Variants in NEDD1 observed in about 807,000 individuals in gnomAD.
NEDD1 encodes protein NEDD1.
A neutral mutation model predicts 74.0 loss-of-function variants in NEDD1; 33 were observed. The observed-to-expected ratio is 0.45, with a 90% CI of 0.34 to 0.60. The LOEUF is 0.60. Ranked by LOEUF, NEDD1 falls within the 20% of genes least tolerant of loss-of-function variation. The pLI is 0.01. For synonymous variants in NEDD1, 250 were observed against 264.4 expected, an observed-to-expected ratio of 0.95 and a Z score of 0.53; for missense variants, 746 against 776.5, an observed-to-expected ratio of 0.96 and a Z score of 0.47.
rs148023951 is a variant in NEDD1, at chr12:96,943,575, C to T, written c.1310C>T (p.Pro437Leu). 4.6e-4 allele frequency: 739 copies of T among 1,612,416 alleles called. 1 individual carries two copies. The highest frequency in any genetic ancestry group is 6.0e-4 in the Admixed American group (36 of 59,958). The part of the protein sequence containing the change: ...IGKGDGFDFL[P>L]QLNSVFPPRK... ...CCTTTTCCAGGCTTTGACTTTCTAC[C>T]GCAGTTGAACTCAGTGTTTCCTCCA... The change falls in exon 12 of 16, where the codon CCG (proline) becomes CTG (leucine). Residue 437 changes from proline to leucine, a missense_variant. Around this residue, in one of 3 missense-constraint regions of NEDD1, gnomAD observed 706 missense variants for 706.7 expected, o/e 1.00. Coordinates refer to ENST00000266742, the MANE Select transcript of NEDD1 (RefSeq NM_152905.4).
At chr12:96,934,173 C>A (rs1159796712) in intron 6 of NEDD1, among the ~76,000 whole-genome samples, 4 of 151,136 alleles carry the variant, frequency 2.6e-5, no homozygotes, top group Non-Finnish European at 4.4e-5. Context: ...ATCAAAATAT[C>A]TAAAATATAG....
chr12:96,930,849 C>T (rs555969026), intron 6 of NEDD1, among the ~76,000 whole-genome samples: 1 of 152,264 alleles, frequency 6.6e-6, no homozygotes, highest in South Asian at 2.1e-4. Flanking sequence ...CACACGTACA[C>T]ATGCACTCAC....
At position 96,928,483 on chromosome 12, in the gene NEDD1, C is replaced by T. The variant is rs539494255; in HGVS notation, c.490-6493C>T. ...GCAGGCTTACATTTCCTTTAAGGAG[C>T]TTAAGTGTTACCCTATTATCTTTGG... On this transcript the variant is annotated intron_variant, in intron 6 of 15. Coordinates refer to ENST00000266742, the MANE Select transcript of NEDD1 (RefSeq NM_152905.4). Among the ~76,000 whole-genome samples the T allele has an allele frequency of 1.6e-4, 25 of 152,106 alleles. 2 individuals are homozygous for T. Among genetic ancestry groups the T allele is most frequent in the Admixed American group, 8.5e-4 (13 of 15,270 alleles).
chr12:96,923,875 G>C (rs1565793301), intron 6 of NEDD1, among the ~76,000 whole-genome samples: 1 of 149,242 alleles, frequency 6.7e-6, no homozygotes, highest in Non-Finnish European at 1.5e-5. Flanking sequence ...TTAGTGAACA[G>C]AAGTTCTTAA....
intron 7 of NEDD1, among the ~76,000 whole-genome samples, chr12:96,936,200 A>G (rs1308749245): frequency 6.6e-6 from 1 of 152,226 alleles, no homozygotes; most frequent in African/African-American, 2.4e-5. Context: ...GTGAAAGGTC[A>G]TAGTCCTCAT....
intron 9 of NEDD1, 44 bp from the exon 10 acceptor site, chr12:96,940,365 A>G: frequency 1.6e-6 from 2 of 1,235,882 alleles, no homozygotes; most frequent in Non-Finnish European, 1.1e-6. Context: ...GATAAAATTT[A>G]TTTAGATGTA....
Position 96,917,733 on chromosome 12 carries a change from T to C in NEDD1, c.344T>C (p.Leu115Pro), listed in dbSNP as rs754307653. ...DLKSKRVHRS[L>P]KDHKDQVTCV... ...AAATCAAAAAGAGTTCATCGATCTC[T>C]TAAGGTAAGCAATTTAAAAAAAATC... The change falls in exon 5 of 16, where the codon CTT (leucine) becomes CCT (proline). Residue 115 changes from leucine to proline, a missense_variant. Physicochemically the swap from Leu to Pro is moderately conservative, Grantham distance 98. Coordinates refer to ENST00000266742, the MANE Select transcript of NEDD1 (RefSeq NM_152905.4). 6.4e-7 allele frequency: 1 copy of C among 1,550,964 alleles called. No homozygotes were observed. Among genetic ancestry groups the C allele is most frequent in the South Asian group, 1.3e-5 (1 of 77,476 alleles).
chr12:96,941,639 C>A (rs956282134), intron 10 of NEDD1, among the ~76,000 whole-genome samples: 2 of 152,086 alleles, frequency 1.3e-5, no homozygotes, highest in Admixed American at 6.6e-5. Flanking sequence ...CAGTGAGACT[C>A]CTCTGGAGGA....
rs1480305375 is a variant in NEDD1 at position 96,907,748 on chromosome 12, C to A, written c.-117C>A. On this transcript the variant is annotated 5_prime_UTR_variant, in exon 2 of 16. Coordinates refer to ENST00000266742, the MANE Select transcript of NEDD1 (RefSeq NM_152905.4). ...GTTCCTGTAGCCGCTGTCCCTAAAC[C>A]CAGGCCGACGTTACCGCCTTGTGTC... 1.3e-6 allele frequency: 2 copies of A among 1,541,724 alleles called. No individual in the cohort carries two copies. Among genetic ancestry groups the A allele is most frequent in the Non-Finnish European group, 8.8e-7 (1 of 1,141,842 alleles).
chr12:96,907,567 C>T lies in NEDD1; in HGVS notation c.-261-37C>T, dbSNP rs759972578. On this transcript the variant is annotated intron_variant, in intron 1 of 15. Transcript: ENST00000266742. ...TTGCCTCGTCTCCACAAGTCTGTCTCCTTTTTTGTCAACCTCAAGTACTTT... is the reference window on the plus strand; with the variant it reads ...TTGCCTCGTCTCCACAAGTCTGTCTTCTTTTTTGTCAACCTCAAGTACTTT... 2.6e-6 allele frequency: 4 copies of T among 1,544,696 alleles called. No individual in the cohort carries two copies. In the East Asian group the frequency reaches 7.3e-5, roughly 28 times the overall value.
intron 5 of NEDD1, 105 bp from the exon 6 acceptor site, chr12:96,919,880 A>G (rs1874875233): frequency 1.4e-6 from 1 of 691,706 alleles, no homozygotes; most frequent in Non-Finnish European, 2.3e-6. Flanking sequence ...TGTTAAAGCA[A>G]ATATTAGATT....
chr12:96,942,208 C>G (rs761237283), intron 10 of NEDD1, among the ~76,000 whole-genome samples: 7 of 152,054 alleles, frequency 4.6e-5, no homozygotes, highest in Non-Finnish European at 8.8e-5. Flanking sequence ...TTTATAGATG[C>G]AGAAACTGAA....
intron 5 of NEDD1, among the ~76,000 whole-genome samples, chr12:96,918,043 C>T (rs10860105): frequency 0.36 from 55,148 of 151,832 alleles, 11,023 homozygotes; most frequent in Non-Finnish European, 0.42. Context: ...GTGTGGTCAT[C>T]AGGGATCTTT....
intron 6 of NEDD1, among the ~76,000 whole-genome samples, chr12:96,930,205 ACACACACTCTCTCTCT>A (rs1351825729): frequency 7.8e-5 from 6 of 76,464 alleles, no homozygotes; most frequent in African/African-American, 3.2e-4. Context: ...ACACACACAC[ACACACACTCTCTCTCT>A]CTCTCTCTCT....
intron 14 of NEDD1, among the ~76,000 whole-genome samples, chr12:96,950,055 G>A (rs79024542): frequency 6.6e-6 from 1 of 151,930 alleles, no homozygotes. Context: ...GAAGGGATAA[G>A]AAGATACCTG....
chr12:96,944,896 A>C, intron 13 of NEDD1, 101 bp downstream of exon 13: 1 of 882,376 alleles, frequency 1.1e-6, no homozygotes, highest in Non-Finnish European at 1.7e-6. Flanking sequence ...TAGACTAAAA[A>C]TGTTCAAAGA....
chr12:96,929,623 A>ATATTTT (rs773021014), intron 6 of NEDD1, among the ~76,000 whole-genome samples: 9 of 126,176 alleles, frequency 7.1e-5, no homozygotes, highest in African/African-American at 2.7e-4. Context: ...ATATATATAT[A>ATATTTT]TTTTTTTTTT....
intron 3 of NEDD1, among the ~76,000 whole-genome samples, chr12:96,910,260 T>A (rs1327152707): frequency 6.6e-6 from 1 of 152,210 alleles, no homozygotes; most frequent in East Asian, 1.9e-4. Context: ...GGAATGAGTT[T>A]TTGCATCTAC....
intron 6 of NEDD1, 74 bp from the exon 7 acceptor site, chr12:96,934,902 A>T: frequency 1.0e-6 from 1 of 976,570 alleles, no homozygotes; most frequent in East Asian, 2.5e-5. Flanking sequence ...GGTTGGCCAT[A>T]ATTTATATGG....
Sources: allele counts gnomAD v4.1 joint callset (sites outside exome capture counted in the v4.1 genomes callset), GRCh38; gene constraint gnomAD v4.1.1; regional missense constraint gnomAD v4.1.1; transcripts MANE v1.5; gene names NCBI Gene and HGNC (gene_info 2026-07-23, HGNC 2026-07-21).